The following ELOVL5 variants were observed in gnomAD, a reference collection of about 807,000 sequenced individuals.
ELOVL5 encodes very long chain fatty acid elongase 5.
A neutral mutation model predicts 38.6 loss-of-function variants in ELOVL5; 8 were observed. That is an observed-to-expected ratio of 0.21 (90% CI 0.12 to 0.37). The LOEUF (loss-of-function observed/expected upper bound fraction) is 0.37. Ranked by LOEUF, ELOVL5 falls within the 10% of genes least tolerant of loss-of-function variation. The pLI is 1.00. For synonymous variants in ELOVL5, 127 were observed against 133.7 expected (o/e 0.95, Z 0.34); for missense variants, 280 against 367.8 (o/e 0.76, Z 1.95).
At chr6:53,311,156 A>G (rs544700282) in intron 1 of ELOVL5, among the ~76,000 whole-genome samples, 1 of 152,282 alleles carries the variant, frequency 6.6e-6, no homozygotes, top group South Asian at 2.1e-4. Flanking sequence ...TCTCTTCCAC[A>G]AAAGCCTAGA....
At position 53,270,671 on chromosome 6, in the gene ELOVL5, T is replaced by G. The variant is rs1765885139; in HGVS notation, c.678A>C (p.Thr226=). The G allele has an allele frequency of 1.2e-5, 20 of 1,614,176 alleles. No individual in the cohort carries two copies. Among genetic ancestry groups the G allele is most frequent in the Non-Finnish European group, 1.6e-5 (19 of 1,180,020 alleles). The change falls in exon 7 of 8, where the codon ACA becomes ACC. Residue 226 remains threonine (T), a synonymous_variant. Coordinates refer to ENST00000304434, the MANE Select transcript of ELOVL5 (RefSeq NM_021814.5). ...QTSCGVIWPC[T]FPLGWLYFQI... ...GGAAATACAACCAACCAAGAGGGAA[T>G]GTGCACGGCCAGATGACCCCGCAGC... is the stretch of plus-strand genomic sequence containing the variant.
At chr6:53,286,634 G>A (rs1332933354) in intron 3 of ELOVL5, among the ~76,000 whole-genome samples, 1 of 152,048 alleles carries the variant, frequency 6.6e-6, no homozygotes, top group Non-Finnish European at 1.5e-5. Flanking sequence ...ATAAAATGGT[G>A]TAATAAATTC....
chr6:53,324,691 A>AAAAAAC lies in ELOVL5; in HGVS notation c.-9+24125_-9+24126insGTTTTT, dbSNP rs70980840. Among the ~76,000 whole-genome samples, 34 of 118,054 alleles carry AAAAAAC rather than the reference A, an allele frequency of 2.9e-4. 1 individual carries two copies. The highest frequency in any genetic ancestry group is 1.1e-3 in the South Asian group (4 of 3,560). 77.4% of individuals were successfully genotyped at this position (118,054 alleles called of 152,430 possible). A position where few individuals can be genotyped will look rare whatever the true frequency, so the allele number is the denominator to read the frequency against. ...TCCTGTCAAAAAAAAAAAAAAAAAA[A>AAAAAAC]GGAAAAGAAATAGAATCAGGAAGGA... On this transcript the variant is annotated intron_variant, in intron 1 of 7. Coordinates refer to ENST00000304434, the MANE Select transcript of ELOVL5 (RefSeq NM_021814.5).
At chr6:53,317,108 T>TCC (rs1768077576) in intron 1 of ELOVL5, among the ~76,000 whole-genome samples, 1 of 152,220 alleles carries the variant, frequency 6.6e-6, no homozygotes, top group Non-Finnish European at 1.5e-5. Flanking sequence ...ATTCCTGCTG[T>TCC]CCTAAGAAAA....
At chr6:53,330,186 A>G (rs1162156666) in intron 1 of ELOVL5, among the ~76,000 whole-genome samples, 1 of 152,204 alleles carries the variant, frequency 6.6e-6, no homozygotes, top group Non-Finnish European at 1.5e-5. Flanking sequence ...CCTGTTTGGC[A>G]TGTTACTATA....
At position 53,267,522 on chromosome 6, in the gene ELOVL5, G is replaced by A. The variant is rs1765783245; in HGVS notation, c.*1605C>T. 1 of 152,606 alleles carries A rather than the reference G, an allele frequency of 6.6e-6. No homozygotes were observed. Among genetic ancestry groups the A allele is most frequent in the African/African-American group, 2.4e-5 (1 of 41,436 alleles). 9.5% of individuals were successfully genotyped at this position (152,606 alleles called of 1,614,324 possible). ...TGTTATAGTTTCTGTATTGAAATAT[G>A]TAAAGACATCTGCAAATTAGTACCT... is the stretch of plus-strand genomic sequence containing the variant. On this transcript the variant is annotated 3_prime_UTR_variant, in exon 8 of 8. Transcript: ENST00000304434.
Position 53,347,839 on chromosome 6 carries a change from C to A in ELOVL5, c.-9+978G>T, listed in dbSNP as rs1471504684. Among the ~76,000 whole-genome samples, 3 of 152,182 alleles carry A rather than the reference C, an allele frequency of 2.0e-5. No homozygotes were observed. The East Asian group carries it at 5.8e-4, about 29-fold the overall frequency. Reference sequence around the variant, plus strand: ...ATGGGGCGGGGGGAACCGCCAAGTGCAAGAACACGGAACGGTTGCAAGACG... The same window carrying A: ...ATGGGGCGGGGGGAACCGCCAAGTGAAAGAACACGGAACGGTTGCAAGACG... On this transcript the variant is annotated intron_variant, in intron 1 of 7. Transcript: ENST00000304434.
At chr6:53,282,802 G>A (rs1766410393) in intron 3 of ELOVL5, among the ~76,000 whole-genome samples, 1 of 152,174 alleles carries the variant, frequency 6.6e-6, no homozygotes, top group Non-Finnish European at 1.5e-5. Flanking sequence ...CAATTGCCAG[G>A]TTGCTTAAGT....
intron 1 of ELOVL5, among the ~76,000 whole-genome samples, chr6:53,329,197 A>G (rs1768679324): frequency 1.6e-5 from 1 of 63,910 alleles, no homozygotes; most frequent in Admixed American, 1.1e-4. Flanking sequence ...TACTACTACT[A>G]CTGCTACTGC....
In ELOVL5 at chr6:53,295,518, T is replaced by A. The variant is rs1286644360; in HGVS notation, c.58+124A>T. On this transcript the variant is annotated intron_variant, in intron 2 of 7. Transcript: ENST00000304434. ...TCTCCAAATTCCTTGTTATCCAGGA[T>A]AAAGTTTTAGACTTATCATAGAAAA... 3 of 694,226 alleles carry A rather than the reference T, an allele frequency of 4.3e-6. No individual in the cohort carries two copies. In the East Asian group the frequency reaches 9.5e-5, roughly 22 times the overall value. 43.0% of individuals were successfully genotyped at this position (694,226 alleles called of 1,614,324 possible).
chr6:53,303,186 C>G (rs766355079), intron 1 of ELOVL5, among the ~76,000 whole-genome samples: 3 of 152,146 alleles, frequency 2.0e-5, no homozygotes, highest in Non-Finnish European at 4.4e-5. Flanking sequence ...CCAAATAAAA[C>G]CACACCTTGC....
intron 1 of ELOVL5, among the ~76,000 whole-genome samples, chr6:53,343,402 G>A (rs775936385): frequency 3.9e-5 from 6 of 151,994 alleles, no homozygotes; most frequent in East Asian, 1.9e-4. Flanking sequence ...TTGTACAGAT[G>A]GGGTCTTGCC....
At chr6:53,344,970 A>G (rs1257472273) in intron 1 of ELOVL5, among the ~76,000 whole-genome samples, 1 of 152,244 alleles carries the variant, frequency 6.6e-6, no homozygotes, top group Non-Finnish European at 1.5e-5. Context: ...TCCTTAAAAC[A>G]GACGCTGTAG....
chr6:53,291,859 T>C lies in ELOVL5; in HGVS notation c.163A>G (p.Asn55Asp), dbSNP rs966559608. 1.9e-6 allele frequency: 3 copies of C among 1,613,990 alleles called. No homozygotes were observed. The highest frequency in any genetic ancestry group is 2.5e-6 in the Non-Finnish European group (3 of 1,179,866). ...IVWLGPKYMRNKQPFSCRGIL... is the reference protein window; with the variant it reads ...IVWLGPKYMRDKQPFSCRGIL... ...CCCCGGCAAGAGAATGGCTGTTTAT[T>C]CCTCATGTATTTTGGTCCCAGCCAT... The change falls in exon 3 of 8, where the codon AAT becomes GAT. Residue 55 changes from asparagine (N) to aspartate (D), a missense_variant. Around this residue, in one of 3 missense-constraint regions of ELOVL5, gnomAD observed 150 missense variants for 178.0 expected, o/e 0.84. Coordinates refer to ENST00000304434, the MANE Select transcript of ELOVL5 (RefSeq NM_021814.5).
intron 1 of ELOVL5, among the ~76,000 whole-genome samples, chr6:53,310,936 T>G (rs920988322): frequency 6.6e-6 from 1 of 152,218 alleles, no homozygotes. Context: ...TGATACATAC[T>G]AGCATGGAAA....
At chr6:53,288,003 G>T in intron 3 of ELOVL5, 1 of 1,359,152 alleles carries the variant, frequency 7.4e-7, no homozygotes, top group Non-Finnish European at 1.0e-6. Context: ...GGCACAGCAG[G>T]AGAAGAGTAG....
At chr6:53,315,095 C>CAA (rs1042471447) in intron 1 of ELOVL5, among the ~76,000 whole-genome samples, 1 of 152,206 alleles carries the variant, frequency 6.6e-6, no homozygotes, top group Non-Finnish European at 1.5e-5. Context: ...ACAACATTTA[C>CAA]TTCTCAGGGT....
At chr6:53,339,333 C>T (rs1357377166) in intron 1 of ELOVL5, among the ~76,000 whole-genome samples, 1 of 152,136 alleles carries the variant, frequency 6.6e-6, no homozygotes, top group East Asian at 1.9e-4. Flanking sequence ...TACAATGTTG[C>T]CAAACCTAGT....
chr6:53,275,733 T>C (rs1486792804), intron 4 of ELOVL5, among the ~76,000 whole-genome samples: 8 of 152,210 alleles, frequency 5.3e-5, no homozygotes, highest in South Asian at 2.1e-4. Flanking sequence ...CAATTAAACA[T>C]GTCAAACAAG....
Sources: gnomAD v4.1 joint callset for allele counts (sites outside exome capture counted in the v4.1 genomes callset) on GRCh38, gnomAD v4.1.1 for gene constraint, gnomAD v4.1.1 regional missense constraint, MANE v1.5 for transcripts, NCBI Gene and HGNC (gene_info 2026-07-23, HGNC 2026-07-21) for gene names.